PACC1: variants seen among roughly 807,000 people sequenced by gnomAD.
PACC1 encodes the protein proton-activated chloride channel.
PACC1 carries 34 observed loss-of-function variants against 39.7 expected under a neutral mutation model. The ratio of observed to expected loss-of-function variants is 0.86; its 90% CI spans 0.65 to 1.14. The LOEUF is 1.14. Among genes scored for constraint, PACC1 ranks in the 50% most tolerant of loss-of-function variants. PACC1 has a pLI of 0.00. For synonymous variants in PACC1, 127 were observed against 160.6 expected (o/e 0.79, Z 1.58); for missense variants, 379 against 436.4 (o/e 0.87, Z 1.17).
intron 5 of PACC1, among the ~76,000 whole-genome samples, chr1:212,378,280 A>G (rs1264953630): frequency 6.6e-6 from 1 of 152,252 alleles, no homozygotes; most frequent in Non-Finnish European, 1.5e-5. Flanking sequence ...ATACCGAGGA[A>G]GCTCACGAAA....
Position 212,386,858 on chromosome 1 carries a change from G to A in PACC1, c.343+33C>T. On this transcript the variant is annotated intron_variant, in intron 3 of 7. Coordinates refer to ENST00000261455, the MANE Select transcript of PACC1 (RefSeq NM_018252.3). This position sits in a 1 kb window ranked among gnomAD's most constrained non-coding sequence, Gnocchi z 5.0. Reference sequence around the variant, plus strand: ...CTGCCAGCTGACACCCTAGATCTGGGGCCCTGATGCCTGGCCCAGGGGCAG... The same window carrying A: ...CTGCCAGCTGACACCCTAGATCTGGAGCCCTGATGCCTGGCCCAGGGGCAG... 6.2e-7 allele frequency: 1 copy of A among 1,607,310 alleles called. No homozygotes were observed. Among genetic ancestry groups the A allele is most frequent in the Non-Finnish European group, 8.5e-7 (1 of 1,174,122 alleles).
chr1:212,396,804 CTATCTATCT>C (rs1661540956), intron 2 of PACC1, among the ~76,000 whole-genome samples: 1 of 9,108 alleles, frequency 1.1e-4, no homozygotes, highest in Non-Finnish European at 1.9e-4. Flanking sequence ...AAATATCTAT[CTATCTATCT>C]ATCTATCTAT....
Position 212,365,025 on chromosome 1 carries a change from G to A in PACC1, c.*190C>T, listed in dbSNP as rs1660179284. On this transcript the variant is annotated 3_prime_UTR_variant, in exon 8 of 8. Coordinates refer to ENST00000261455, the MANE Select transcript of PACC1 (RefSeq NM_018252.3). Reference sequence around the variant, plus strand: ...AAATAACTTGTAGGTTTATCCATTAGTCTCTTCTATTAGGCTCTACACCGC... The same window carrying A: ...AAATAACTTGTAGGTTTATCCATTAATCTCTTCTATTAGGCTCTACACCGC... 2.4e-6 allele frequency: 1 copy of A among 415,534 alleles called. No individual in the cohort carries two copies. Among genetic ancestry groups the A allele is most frequent in the Non-Finnish European group, 4.2e-6 (1 of 237,504 alleles). The allele number at this position is 415,534 out of a possible 1,614,324, so 25.7% of individuals were successfully genotyped here. A position where few individuals can be genotyped will look rare whatever the true frequency, so the allele number is the denominator to read the frequency against.
intron 2 of PACC1, among the ~76,000 whole-genome samples, chr1:212,389,847 A>C (rs1232101992): frequency 2.6e-5 from 4 of 152,240 alleles, no homozygotes; most frequent in Non-Finnish European, 5.9e-5. Context: ...GATGAGTTTT[A>C]CATTACGTGT....
chr1:212,391,196 G>A (rs1265643209), intron 2 of PACC1, among the ~76,000 whole-genome samples: 1 of 152,194 alleles, frequency 6.6e-6, no homozygotes, highest in African/African-American at 2.4e-5. Flanking sequence ...CCCCCAAGTA[G>A]GGGCAGACTG....
intron 1 of PACC1, among the ~76,000 whole-genome samples, chr1:212,412,999 G>C (rs1662192061): frequency 6.6e-6 from 1 of 152,186 alleles, no homozygotes. Flanking sequence ...CAAACAGCAA[G>C]AGGCACAGCC....
chr1:212,414,674 C>T, intron 1 of PACC1, 48 bp downstream of exon 1: 2 of 1,611,558 alleles, frequency 1.2e-6, no homozygotes, highest in Non-Finnish European at 1.7e-6. Context: ...CCCCCGGGAC[C>T]CTGCTCCTCC....
intron 2 of PACC1, among the ~76,000 whole-genome samples, chr1:212,388,492 G>C (rs1289416278): frequency 6.6e-6 from 1 of 152,144 alleles, no homozygotes; most frequent in Admixed American, 6.5e-5. Context: ...TATATTTAGA[G>C]ACAGGGACTT....
intron 2 of PACC1, among the ~76,000 whole-genome samples, chr1:212,402,228 A>G (rs963731262): frequency 1.3e-5 from 2 of 152,210 alleles, no homozygotes; most frequent in African/African-American, 4.8e-5. Context: ...TAACCTTTTG[A>G]GGAACTGTCA....
At position 212,384,766 on chromosome 1, in the gene PACC1, G is replaced by A. The variant is rs116565308; in HGVS notation, c.495+508C>T. On this transcript the variant is annotated intron_variant, in intron 4 of 7. Coordinates refer to ENST00000261455, the MANE Select transcript of PACC1 (RefSeq NM_018252.3). ...TTCCCAGCCGTGCTGTGTTGTGCAC[G>A]ACAGCATGGCCAGCCCAGGGCCCAG... Among the ~76,000 whole-genome samples, 1,192 of 152,314 alleles carry A rather than the reference G, an allele frequency of 7.8e-3. 17 individuals carry two copies. Among genetic ancestry groups the A allele is most frequent in the African/African-American group, 0.027 (1,118 of 41,560 alleles).
chr1:212,402,778 C>T (rs1326746447), intron 2 of PACC1, among the ~76,000 whole-genome samples: 1 of 152,148 alleles, frequency 6.6e-6, no homozygotes, highest in African/African-American at 2.4e-5. Context: ...CCTCAGCCTT[C>T]TGAGTAGCTG....
intron 2 of PACC1, 70 bp downstream of exon 2, chr1:212,410,355 A>G: frequency 7.0e-7 from 1 of 1,421,322 alleles, no homozygotes; most frequent in Non-Finnish European, 1.0e-6. Context: ...CCTCTCCCAC[A>G]GTTGGCAAGG....
Position 212,386,983 on chromosome 1 carries a change from AG to A in PACC1, c.250del (p.Leu84TrpfsTer55), listed in dbSNP as rs753865544. The A allele has an allele frequency of 2.5e-6, 4 of 1,614,238 alleles. No homozygotes were observed. The highest frequency in any genetic ancestry group is 3.4e-6 in the Non-Finnish European group (4 of 1,180,040). On this transcript the variant is annotated frameshift_variant, in exon 3 of 8. Coordinates refer to ENST00000261455, the MANE Select transcript of PACC1 (RefSeq NM_018252.3). LOFTEE classifies it high-confidence loss of function. This position sits in a 1 kb window ranked among gnomAD's most constrained non-coding sequence, Gnocchi z 5.0. Reference protein sequence around the residue: ...YLLLMAVAVFLVYRTITDFRE... With the variant: ...YLLLMAVAVFXVYRTITDFRE... ...AAAGTCTGTGATGGTCCGGTAGACC[AG>A]GAAGACGGCCACAGCCATGAGCAGC... is the stretch of plus-strand genomic sequence containing the variant.
At chr1:212,388,198 G>A (rs117849185) in intron 2 of PACC1, among the ~76,000 whole-genome samples, 1 of 152,218 alleles carries the variant, frequency 6.6e-6, no homozygotes, top group East Asian at 1.9e-4. Flanking sequence ...GCAATGTCAT[G>A]TCTATACATC....
chr1:212,408,896 C>T (rs1422551676), intron 2 of PACC1, among the ~76,000 whole-genome samples: 1 of 152,214 alleles, frequency 6.6e-6, no homozygotes, highest in East Asian at 1.9e-4. Context: ...ACCCCCAGGC[C>T]ACAGACCAAT....
At chr1:212,409,193 A>C (rs546818895) in intron 2 of PACC1, among the ~76,000 whole-genome samples, 1 of 152,284 alleles carries the variant, frequency 6.6e-6, no homozygotes, top group South Asian at 2.1e-4. Context: ...TGGTGCCAAA[A>C]AGTTGGGGAC....
chr1:212,384,008 C>T (rs1421608414), intron 4 of PACC1, among the ~76,000 whole-genome samples: 1 of 152,176 alleles, frequency 6.6e-6, no homozygotes, highest in African/African-American at 2.4e-5. Context: ...ACCCTGCTCT[C>T]TAACGGTGCT....
Position 212,414,726 on chromosome 1 carries a change from T to C in PACC1, c.32A>G (p.Gln11Arg), listed in dbSNP as rs761974776. The change falls in exon 1 of 8, where the codon CAG becomes CGG. Residue 11 changes from glutamine (Q) to arginine (R), a missense_variant. Gln to Arg is a conservative substitution (Grantham distance 43, BLOSUM62 1). Transcript: ENST00000261455. MIRQERSTSY[Q>R]ELSEELVQVV... Reference sequence around the variant, plus strand: ...CCGTCTCTCACAACCTCGTACCTCCTGGTAGGATGTGGAGCGCTCCTGCCG... The same window carrying C: ...CCGTCTCTCACAACCTCGTACCTCCCGGTAGGATGTGGAGCGCTCCTGCCG... 11 of 1,612,650 alleles carry C rather than the reference T, an allele frequency of 6.8e-6. No homozygotes were observed. Among genetic ancestry groups the C allele is most frequent in the Admixed American group, 1.7e-5 (1 of 59,964 alleles).
intron 2 of PACC1, among the ~76,000 whole-genome samples, chr1:212,401,884 A>T (rs1661728962): frequency 6.6e-6 from 1 of 152,086 alleles, no homozygotes; most frequent in African/African-American, 2.4e-5. Flanking sequence ...CATGTTGGTC[A>T]GACTGGTCTT....
Sources: gnomAD v4.1 joint callset for allele counts (sites outside exome capture counted in the v4.1 genomes callset) on GRCh38, gnomAD v4.1.1 for gene constraint, Gnocchi (gnomAD v3.1) non-coding constraint, MANE v1.5 for transcripts, NCBI Gene and HGNC (gene_info 2026-07-23, HGNC 2026-07-21) for gene names.